HES2: variants seen among roughly 807,000 people sequenced by gnomAD.
HES2 encodes the protein hes family bHLH transcription factor 2.
HES2 carries 11 observed loss-of-function variants against 11.9 expected under a neutral mutation model. The ratio of observed to expected loss-of-function variants is 0.92; its 90% CI spans 0.58 to 1.53. HES2 has a LOEUF of 1.53. Among genes scored for constraint, HES2 ranks in the 40% most tolerant of loss-of-function variants. The pLI, the probability that HES2 is intolerant of heterozygous loss-of-function variation, is 0.00. For synonymous variants in HES2, 125 were observed against 122.8 expected (o/e 1.02, Z -0.12); for missense variants, 260 against 253.8 (o/e 1.02, Z -0.16).
In HES2 at chr1:6,419,019, C is replaced by T. The variant is rs1338726114; in HGVS notation, c.376G>A (p.Ala126Thr). 1 of 1,425,274 alleles carries T rather than the reference C, an allele frequency of 7.0e-7. No homozygotes were observed. 88.3% of individuals were successfully genotyped at this position (1,425,274 alleles called of 1,614,324 possible). A position where few individuals can be genotyped will look rare whatever the true frequency, so the allele number is the denominator to read the frequency against. The change falls in exon 4 of 4, where the codon GCC becomes ACC. Residue 126 changes from alanine (A) to threonine (T), a missense_variant. Coordinates refer to ENST00000377834, the MANE Select transcript of HES2 (RefSeq NM_019089.5). The surrounding 1 kb of genome is among the most constrained non-coding windows in gnomAD (Gnocchi z 8.1). ...CCAGCGCGCCCGCCGTCCAGGGTGG[C>T]GCTGGCCGCTCTCCGCCACAGGTGC... ...LEHLWRRAASATLDGGRAGDS... is the reference protein window; with the variant it reads ...LEHLWRRAASTTLDGGRAGDS...
At position 6,419,456 on chromosome 1, in the gene HES2, TG is replaced by T; in HGVS notation, c.142-117del. ...GGGTGTGGGGCGCGCCGTGGCCTGC[TG>T]GGGGTCCGCTCCGACGCGCCCACCC... On this transcript the variant is annotated intron_variant, in intron 2 of 3. Coordinates refer to ENST00000377834, the MANE Select transcript of HES2 (RefSeq NM_019089.5). The surrounding 1 kb of genome is among the most constrained non-coding windows in gnomAD (Gnocchi z 8.1). 1.7e-6 allele frequency: 2 copies of T among 1,178,758 alleles called. No individual in the cohort carries two copies. Among genetic ancestry groups the T allele is most frequent in the Non-Finnish European group, 1.2e-6 (1 of 845,906 alleles). The allele number at this position is 1,178,758 out of a possible 1,614,324, so 73.0% of individuals were successfully genotyped here.
Position 6,418,732 on chromosome 1 carries a change from A to T in HES2, c.*141T>A. On this transcript the variant is annotated 3_prime_UTR_variant, in exon 4 of 4. Coordinates refer to ENST00000377834, the MANE Select transcript of HES2 (RefSeq NM_019089.5). The stretch of plus-strand genomic sequence containing the variant: ...GGGCTTTCAGTCTGCCACGCCAGTC[A>T]CAAACAGCCGGCTTCCGGCCTGGGT... 2.3e-6 allele frequency: 2 copies of T among 865,430 alleles called. No individual in the cohort carries two copies. Among genetic ancestry groups the T allele is most frequent in the Non-Finnish European group, 3.1e-6 (2 of 653,342 alleles). 53.6% of individuals were successfully genotyped at this position (865,430 alleles called of 1,614,324 possible).
At position 6,415,576 on chromosome 1, in the gene HES2, G is replaced by A. The variant is rs1424929358; in HGVS notation, c.*3297C>T. 3 of 151,696 alleles carry A rather than the reference G, an allele frequency of 2.0e-5. No individual in the cohort carries two copies. The highest frequency in any genetic ancestry group is 4.4e-5 in the Non-Finnish European group (3 of 68,008). The allele number at this position is 151,696 out of a possible 1,614,324, so 9.4% of individuals were successfully genotyped here. ...AGCAATTTGTCAATGTTTATGAGGA[G>A]TCCTCCTTGGCAGCCCAGTCTTTAT... On this transcript the variant is annotated 3_prime_UTR_variant, in exon 4 of 4. Transcript: ENST00000377834.
Position 6,419,436 on chromosome 1 carries a change from T to C in HES2, c.142-96A>G, listed in dbSNP as rs991544775. ...CCTCGCTCTAGTCGGGAGCTGGGTG[T>C]GGGGCGCGCCGTGGCCTGCTGGGGG... On this transcript the variant is annotated intron_variant, in intron 2 of 3. Transcript: ENST00000377834. This position sits in a 1 kb window ranked among gnomAD's most constrained non-coding sequence, Gnocchi z 8.1. 1.6e-6 allele frequency: 2 copies of C among 1,246,670 alleles called. No individual in the cohort carries two copies. The highest frequency in any genetic ancestry group is 1.5e-5 in the African/African-American group (1 of 65,076). 77.2% of individuals were successfully genotyped at this position (1,246,670 alleles called of 1,614,324 possible).
Position 6,419,911 on chromosome 1 carries a change from C to T in HES2, c.-91G>A. 2 of 1,388,088 alleles carry T rather than the reference C, an allele frequency of 1.4e-6. No homozygotes were observed. The highest frequency in any genetic ancestry group is 1.9e-6 in the Non-Finnish European group (2 of 1,072,042). The allele number at this position is 1,388,088 out of a possible 1,614,324, so 86.0% of individuals were successfully genotyped here. A position where few individuals can be genotyped will look rare whatever the true frequency, so the allele number is the denominator to read the frequency against. On this transcript the variant is annotated 5_prime_UTR_variant, in exon 1 of 4. Transcript: ENST00000377834. This position sits in a 1 kb window ranked among gnomAD's most constrained non-coding sequence, Gnocchi z 8.1. ...TCCCGGGCGCGGCCCGGGCTGGTGC[C>T]AGACGAGTGCGCGCCCCGCCCGCGG...
In HES2 at chr1:6,418,928, G is replaced by A. The variant is rs775043603; in HGVS notation, c.467C>T (p.Pro156Leu). The A allele has an allele frequency of 6.8e-5, 90 of 1,319,470 alleles. No homozygotes were observed. The highest frequency in any genetic ancestry group is 5.0e-4 in the Admixed American group (12 of 24,042). The allele number at this position is 1,319,470 out of a possible 1,614,324, so 81.7% of individuals were successfully genotyped here. A position where few individuals can be genotyped will look rare whatever the true frequency, so the allele number is the denominator to read the frequency against. ...PASAPEPASA[P>L]VPSPPSPPCG... Reference sequence around the variant, plus strand: ...GGGAGGCGAGGGCGGCGAGGGCACCGGAGCGGATGCGGGCTCTGGGGCAGA... The same window carrying A: ...GGGAGGCGAGGGCGGCGAGGGCACCAGAGCGGATGCGGGCTCTGGGGCAGA... The change falls in exon 4 of 4, where the codon CCG becomes CTG. Residue 156 changes from proline (P) to leucine (L), a missense_variant. Transcript: ENST00000377834.
rs1231194926 is a variant in HES2, at chr1:6,419,102, G to A, written c.293C>T (p.Ala98Val). ...EGYSACVARL[A>V]RVLPACRVLE... ...GACACGGCAGGCGGGCAGCACGCGG[G>A]CCAGGCGCGCCACACAGGCGCTGTA... Residue 98 changes from alanine to valine, a missense_variant, in exon 4 of 4, where the codon GCC becomes GTC. By Grantham distance (64) the Ala-to-Val change is moderately conservative (BLOSUM62 0). Coordinates refer to ENST00000377834, the MANE Select transcript of HES2 (RefSeq NM_019089.5). The surrounding 1 kb of genome is among the most constrained non-coding windows in gnomAD (Gnocchi z 8.1). The A allele has an allele frequency of 4.1e-5, 62 of 1,507,612 alleles. No homozygotes were observed. Among genetic ancestry groups the A allele is most frequent in the East Asian group, 8.0e-5 (3 of 37,472 alleles). The allele number at this position is 1,507,612 out of a possible 1,614,324, so 93.4% of individuals were successfully genotyped here.
At position 6,419,535 on chromosome 1, in the gene HES2, G is replaced by A; in HGVS notation, c.141+72C>T. ...CGGAACCCCCTGGTGGGTTCCTCCC[G>A]CAGGAGCACCCCGTCCCCCTGCCCC... is the stretch of plus-strand genomic sequence containing the variant. On this transcript the variant is annotated intron_variant, in intron 2 of 3. Coordinates refer to ENST00000377834, the MANE Select transcript of HES2 (RefSeq NM_019089.5). This position sits in a 1 kb window ranked among gnomAD's most constrained non-coding sequence, Gnocchi z 8.1. The A allele has an allele frequency of 7.4e-7, 1 of 1,359,824 alleles. No homozygotes were observed. Among genetic ancestry groups the A allele is most frequent in the East Asian group, 2.7e-5 (1 of 36,582 alleles). The allele number at this position is 1,359,824 out of a possible 1,614,324, so 84.2% of individuals were successfully genotyped here.
Position 6,418,789 on chromosome 1 carries a change from A to G in HES2, c.*84T>C. The stretch of plus-strand genomic sequence containing the variant: ...ACTGGGCTGGCCCCTAATGATGGGA[A>G]CAGCAGCCGCCACCAAGAGCTTCAA... On this transcript the variant is annotated 3_prime_UTR_variant, in exon 4 of 4. Coordinates refer to ENST00000377834, the MANE Select transcript of HES2 (RefSeq NM_019089.5). 3 of 1,236,674 alleles carry G rather than the reference A, an allele frequency of 2.4e-6. No individual in the cohort carries two copies. Among genetic ancestry groups the G allele is most frequent in the Non-Finnish European group, 2.0e-6 (2 of 984,488 alleles). 76.6% of individuals were successfully genotyped at this position (1,236,674 alleles called of 1,614,324 possible). A position where few individuals can be genotyped will look rare whatever the true frequency, so the allele number is the denominator to read the frequency against.
chr1:6,419,227 G>T lies in HES2; in HGVS notation c.241+14C>A. 1 of 1,605,172 alleles carries T rather than the reference G, an allele frequency of 6.2e-7. No homozygotes were observed. On this transcript the variant is annotated intron_variant, in intron 3 of 3. Coordinates refer to ENST00000377834, the MANE Select transcript of HES2 (RefSeq NM_019089.5). The surrounding 1 kb of genome is among the most constrained non-coding windows in gnomAD (Gnocchi z 8.1). Reference sequence around the variant, plus strand: ...GGTGCAGAGCGCGCGGCAGGGCAGGGAGGGCTCACTCACGGGGCGCTGCCG... The same window carrying T: ...GGTGCAGAGCGCGCGGCAGGGCAGGTAGGGCTCACTCACGGGGCGCTGCCG...
At position 6,417,596 on chromosome 1, in the gene HES2, T is replaced by G. The variant is rs1557684667; in HGVS notation, c.*1277A>C. On this transcript the variant is annotated 3_prime_UTR_variant, in exon 4 of 4. Coordinates refer to ENST00000377834, the MANE Select transcript of HES2 (RefSeq NM_019089.5). ...TAGGCCTCCATGGAAAAGAAAGAAATAAAAAATTTTTTTTGAGACAGAGTC... is the reference window on the plus strand; with the variant it reads ...TAGGCCTCCATGGAAAAGAAAGAAAGAAAAAATTTTTTTTGAGACAGAGTC... 2 of 152,140 alleles carry G rather than the reference T, an allele frequency of 1.3e-5. No homozygotes were observed. The highest frequency in any genetic ancestry group is 4.8e-5 in the African/African-American group (2 of 41,406). The allele number at this position is 152,140 out of a possible 1,614,324, so 9.4% of individuals were successfully genotyped here.
At position 6,418,866 on chromosome 1, in the gene HES2, C is replaced by T; in HGVS notation, c.*7G>A. ...CAGTCGGCAGGGTCTGTGGATCGGC[C>T]GAGGGGCTACCACGGCCGCCAGAGG... On this transcript the variant is annotated 3_prime_UTR_variant, in exon 4 of 4. Coordinates refer to ENST00000377834, the MANE Select transcript of HES2 (RefSeq NM_019089.5). 2 of 1,306,220 alleles carry T rather than the reference C, an allele frequency of 1.5e-6. No homozygotes were observed. The highest frequency in any genetic ancestry group is 1.9e-6 in the Non-Finnish European group (2 of 1,034,402). The allele number at this position is 1,306,220 out of a possible 1,614,324, so 80.9% of individuals were successfully genotyped here. A position where few individuals can be genotyped will look rare whatever the true frequency, so the allele number is the denominator to read the frequency against.
rs1377763315 is a variant in HES2, at chr1:6,419,005, G to A, written c.390C>T (p.Gly130=). 1 of 1,372,342 alleles carries A rather than the reference G, an allele frequency of 7.3e-7. No homozygotes were observed. The highest frequency in any genetic ancestry group is 9.3e-7 in the Non-Finnish European group (1 of 1,073,822). 85.0% of individuals were successfully genotyped at this position (1,372,342 alleles called of 1,614,324 possible). A position where few individuals can be genotyped will look rare whatever the true frequency, so the allele number is the denominator to read the frequency against. ...WRRAASATLD[G]GRAGDSSGPS... ...GGCCACTGGAATCCCCAGCGCGCCCGCCGTCCAGGGTGGCGCTGGCCGCTC... is the reference window on the plus strand; with the variant it reads ...GGCCACTGGAATCCCCAGCGCGCCCACCGTCCAGGGTGGCGCTGGCCGCTC... Residue 130 remains glycine (G), a synonymous_variant, in exon 4 of 4, where the codon GGC becomes GGT. Transcript: ENST00000377834. This position sits in a 1 kb window ranked among gnomAD's most constrained non-coding sequence, Gnocchi z 8.1.
Position 6,419,626 on chromosome 1 carries a change from AG to A in HES2, c.121del (p.Leu41CysfsTer14). On this transcript the variant is annotated frameshift_variant, in exon 2 of 4. Transcript: ENST00000377834. LOFTEE classifies it high-confidence loss of function. This position sits in a 1 kb window ranked among gnomAD's most constrained non-coding sequence, Gnocchi z 8.1. ...GCTCACCTCCCGGCCCAGCAGCGGC[AG>A]GATGAGCCCCTTAAGCTGGCTCAGG... ...QSLSQLKGLI[L>X]PLLGRENSNC... The A allele has an allele frequency of 6.5e-7, 1 of 1,541,480 alleles. No homozygotes were observed. The highest frequency in any genetic ancestry group is 8.7e-7 in the Non-Finnish European group (1 of 1,146,888).
Position 6,415,316 on chromosome 1 carries a change from G to A in HES2, c.*3557C>T, listed in dbSNP as rs1260473922. The stretch of plus-strand genomic sequence containing the variant: ...ATTGAAGGTTCGGGGTAACTCCAGA[G>A]TCAAGCAAGTCTATTGGCAACATTT... On this transcript the variant is annotated 3_prime_UTR_variant, in exon 4 of 4. Coordinates refer to ENST00000377834, the MANE Select transcript of HES2 (RefSeq NM_019089.5). The A allele has an allele frequency of 6.6e-6, 1 of 151,466 alleles. No individual in the cohort carries two copies. Among genetic ancestry groups the A allele is most frequent in the Non-Finnish European group, 1.5e-5 (1 of 67,958 alleles). 9.4% of individuals were successfully genotyped at this position (151,466 alleles called of 1,614,324 possible).
In HES2 at chr1:6,416,842, G is replaced by A. The variant is rs1642857647; in HGVS notation, c.*2031C>T. ...TACCTGCTCCCGGAGGCTCACAAAG[G>A]CAGTGCCAACAGGCGCTCATTCTCA... is the stretch of plus-strand genomic sequence containing the variant. On this transcript the variant is annotated 3_prime_UTR_variant, in exon 4 of 4. Transcript: ENST00000377834. The A allele has an allele frequency of 6.6e-6, 1 of 152,292 alleles. No homozygotes were observed. Among genetic ancestry groups the A allele is most frequent in the African/African-American group, 2.4e-5 (1 of 41,444 alleles). The allele number at this position is 152,292 out of a possible 1,614,324, so 9.4% of individuals were successfully genotyped here.
chr1:6,418,769 G>A lies in HES2; in HGVS notation c.*104C>T, dbSNP rs112902660. Reference sequence around the variant, plus strand: ...CTTCCGGCCTGGGTGTGGGTACTGGGCTGGCCCCTAATGATGGGAACAGCA... The same window carrying A: ...CTTCCGGCCTGGGTGTGGGTACTGGACTGGCCCCTAATGATGGGAACAGCA... On this transcript the variant is annotated 3_prime_UTR_variant, in exon 4 of 4. Transcript: ENST00000377834. 2.4e-4 allele frequency: 281 copies of A among 1,147,776 alleles called. 1 individual carries two copies. In the African/African-American group the frequency reaches 3.9e-3, roughly 16 times the overall value. The allele number at this position is 1,147,776 out of a possible 1,614,324, so 71.1% of individuals were successfully genotyped here.
chr1:6,418,846 G>T lies in HES2; in HGVS notation c.*27C>A. 7.7e-7 allele frequency: 1 copy of T among 1,295,848 alleles called. No individual in the cohort carries two copies. 80.3% of individuals were successfully genotyped at this position (1,295,848 alleles called of 1,614,324 possible). Reference sequence around the variant, plus strand: ...CAGTGCCCCAAGGTCCCAAGCAGTCGGCAGGGTCTGTGGATCGGCCGAGGG... The same window carrying T: ...CAGTGCCCCAAGGTCCCAAGCAGTCTGCAGGGTCTGTGGATCGGCCGAGGG... On this transcript the variant is annotated 3_prime_UTR_variant, in exon 4 of 4. Coordinates refer to ENST00000377834, the MANE Select transcript of HES2 (RefSeq NM_019089.5).
chr1:6,419,018 G>A lies in HES2; in HGVS notation c.377C>T (p.Ala126Val). The A allele has an allele frequency of 1.4e-6, 2 of 1,424,226 alleles. No homozygotes were observed. Among genetic ancestry groups the A allele is most frequent in the South Asian group, 1.5e-5 (1 of 67,394 alleles). 88.2% of individuals were successfully genotyped at this position (1,424,226 alleles called of 1,614,324 possible). The change falls in exon 4 of 4, where the codon GCC becomes GTC. Residue 126 changes from alanine (A) to valine (V), a missense_variant. Ala to Val is a moderately conservative substitution (Grantham distance 64). Transcript: ENST00000377834. This position sits in a 1 kb window ranked among gnomAD's most constrained non-coding sequence, Gnocchi z 8.1. ...CCCAGCGCGCCCGCCGTCCAGGGTG[G>A]CGCTGGCCGCTCTCCGCCACAGGTG... ...LEHLWRRAAS[A>V]TLDGGRAGDS...
Sources: gnomAD v4.1 joint callset for allele counts on GRCh38, gnomAD v4.1.1 for gene constraint, Gnocchi (gnomAD v3.1) non-coding constraint, MANE v1.5 for transcripts, NCBI Gene and HGNC (gene_info 2026-07-23, HGNC 2026-07-21) for gene names.